FSTL5: variants seen among roughly 807,000 people sequenced by gnomAD.
The protein encoded by FSTL5 is follistatin-related protein 5.
A neutral mutation model predicts 89.1 loss-of-function variants in FSTL5; 62 were observed. That is an observed-to-expected ratio of 0.70 (90% CI 0.57 to 0.86). FSTL5 has a LOEUF of 0.86. Ranked by LOEUF, FSTL5 falls within the 40% of genes least tolerant of loss-of-function variation. The pLI is 0.00. For missense variants in FSTL5, 1,057 were observed against 1,001.6 expected (o/e 1.06, Z -0.75); for synonymous variants, 383 against 346.2 (o/e 1.11, Z -1.18).
At chr4:161,457,017 C>T (rs1045048276) in intron 14 of FSTL5, among the ~76,000 whole-genome samples, 3 of 152,236 alleles carry the variant, frequency 2.0e-5, no homozygotes, top group South Asian at 2.1e-4. Flanking sequence ...CCACTTCTTT[C>T]GTGCAACTGT....
intron 2 of FSTL5, among the ~76,000 whole-genome samples, chr4:162,077,648 G>A (rs1729922019): frequency 6.6e-6 from 1 of 151,628 alleles, no homozygotes; most frequent in Non-Finnish European, 1.5e-5. Flanking sequence ...AACATATGTG[G>A]TGATAATTAA....
chr4:161,505,852 G>T (rs1490856990), intron 11 of FSTL5, among the ~76,000 whole-genome samples: 1 of 152,006 alleles, frequency 6.6e-6, no homozygotes, highest in Non-Finnish European at 1.5e-5. Flanking sequence ...TTAGACTGAT[G>T]TAAGTTTTTA....
chr4:161,504,119 T>G (rs13151235), intron 11 of FSTL5, among the ~76,000 whole-genome samples: 150,694 of 151,980 alleles, frequency 0.99, 74,719 homozygotes, highest in Middle Eastern at 1. Context: ...GTTTGAAAAC[T>G]TAGCTTTAAA....
At chr4:161,960,162 ATTTTTT>A (rs34848383) in intron 3 of FSTL5, among the ~76,000 whole-genome samples, 1 of 98,402 alleles carries the variant, frequency 1.0e-5, no homozygotes. Flanking sequence ...TTTTAATGTA[ATTTTTT>A]TTTTTTTTTT....
chr4:162,044,987 T>C (rs1469605070), intron 2 of FSTL5, among the ~76,000 whole-genome samples: 2 of 152,202 alleles, frequency 1.3e-5, no homozygotes, highest in Admixed American at 6.5e-5. Flanking sequence ...ATATCAGAAA[T>C]AAAGCTGCTT....
intron 4 of FSTL5, among the ~76,000 whole-genome samples, chr4:161,808,836 CA>C (rs1730052753): frequency 6.6e-6 from 1 of 152,056 alleles, no homozygotes; most frequent in African/African-American, 2.4e-5. Flanking sequence ...AAAAAGTGAG[CA>C]AAAGGCTTGA....
intron 1 of FSTL5, among the ~76,000 whole-genome samples, chr4:162,149,359 C>T (rs939864555): frequency 9.2e-5 from 14 of 151,992 alleles, no homozygotes; most frequent in African/African-American, 3.1e-4. Flanking sequence ...AACCATCTGT[C>T]CAAAATATAA....
At chr4:161,552,798 A>G (rs977957474) in intron 8 of FSTL5, among the ~76,000 whole-genome samples, 3 of 151,784 alleles carry the variant, frequency 2.0e-5, no homozygotes, top group Non-Finnish European at 2.9e-5. Flanking sequence ...CCTCAGTGAC[A>G]AGCTAAACAT....
chr4:162,035,324 G>A (rs950349597), intron 2 of FSTL5: 2 of 152,128 alleles, frequency 1.3e-5, no homozygotes, highest in African/African-American at 4.8e-5. Flanking sequence ...GAAGGTGACA[G>A]TGTTGGAGTG....
At chr4:161,444,723 T>G (rs4328863) in intron 15 of FSTL5, among the ~76,000 whole-genome samples, 131,837 of 151,512 alleles carry the variant, frequency 0.87, 58,368 homozygotes, top group East Asian at 0.99. Context: ...GTAAATGGGA[T>G]AAAAGGGAGT....
Position 162,157,551 on chromosome 4 carries a change from C to T in FSTL5, c.-17+6064G>A, listed in dbSNP as rs1010549122. ...AGAGAATCAGGAACAATGAGTTACA[C>T]GAATGGTATACACAATCTCGTAAAA... On this transcript the variant is annotated intron_variant, in intron 1 of 15. Coordinates refer to ENST00000306100, the MANE Select transcript of FSTL5 (RefSeq NM_020116.5). 4.6e-5 allele frequency among the ~76,000 whole-genome samples: 7 copies of T among 151,756 alleles called. No individual in the cohort carries two copies. The South Asian group carries it at 6.3e-4, about 14-fold the overall frequency.
chr4:161,652,277 A>C (rs1736367810), intron 7 of FSTL5, among the ~76,000 whole-genome samples: 1 of 152,148 alleles, frequency 6.6e-6, no homozygotes, highest in African/African-American at 2.4e-5. Flanking sequence ...TCTACAAAAA[A>C]TTTAAAAAAT....
chr4:161,472,310 G>A (rs1266078546), intron 13 of FSTL5, among the ~76,000 whole-genome samples: 5 of 151,992 alleles, frequency 3.3e-5, no homozygotes, highest in African/African-American at 1.2e-4. Context: ...CTAACTTTTG[G>A]TTTCAATAGT....
At position 161,479,441 on chromosome 4, in the gene FSTL5, G is replaced by A. The variant is rs189882361; in HGVS notation, c.1608+1579C>T. 4.4e-3 allele frequency among the ~76,000 whole-genome samples: 662 copies of A among 152,128 alleles called. 4 individuals are homozygous for A. The highest frequency in any genetic ancestry group is 0.011 in the African/African-American group (458 of 41,558). ...TTCAGAGAGTATAGTTCTCTAGTTT[G>A]AAAACTCAATTTAAAAACCAGCCTG... On this transcript the variant is annotated intron_variant, in intron 13 of 15. Transcript: ENST00000306100.
chr4:161,613,568 A>G (rs1251385015), intron 7 of FSTL5, among the ~76,000 whole-genome samples: 2 of 152,148 alleles, frequency 1.3e-5, no homozygotes, highest in African/African-American at 4.8e-5. Flanking sequence ...ATGGGAGTGC[A>G]GGACCAGGAG....
chr4:161,837,054 G>A (rs998526386), intron 4 of FSTL5, among the ~76,000 whole-genome samples: 1 of 152,080 alleles, frequency 6.6e-6, no homozygotes, highest in Admixed American at 6.6e-5. Context: ...CTCAGAACAG[G>A]TTTTTAATTT....
intron 4 of FSTL5, among the ~76,000 whole-genome samples, chr4:161,880,510 C>T (rs1366026100): frequency 1.3e-5 from 2 of 152,012 alleles, no homozygotes; most frequent in African/African-American, 2.4e-5. Context: ...ATGACCTTAA[C>T]GTATACTTTC....
chr4:162,091,967 T>C (rs1252131017), intron 2 of FSTL5, among the ~76,000 whole-genome samples: 1 of 60,580 alleles, frequency 1.7e-5, no homozygotes, highest in Admixed American at 1.8e-4. Flanking sequence ...TAGATTACCT[T>C]ATAGAATATA....
chr4:161,409,362 G>C (rs1159171797), intron 15 of FSTL5, among the ~76,000 whole-genome samples: 1 of 152,042 alleles, frequency 6.6e-6, no homozygotes, highest in Non-Finnish European at 1.5e-5. Context: ...AGCAAATGCT[G>C]AGGGAATTAT....
Sources: allele counts gnomAD v4.1 joint callset (sites outside exome capture counted in the v4.1 genomes callset), GRCh38; gene constraint gnomAD v4.1.1; transcripts MANE v1.5; gene names NCBI Gene and HGNC (gene_info 2026-07-23, HGNC 2026-07-21).